Variants in FHAD1 observed in about 807,000 individuals in gnomAD.
FHAD1 encodes forkhead associated phosphopeptide binding domain 1.
FHAD1 carries 146 observed loss-of-function variants against 191.3 expected under a neutral mutation model. That is an observed-to-expected ratio of 0.76 (90% confidence interval 0.67 to 0.88). The LOEUF is 0.88. FHAD1 is among the 40% of genes least tolerant of loss of function. The pLI, the probability that FHAD1 is intolerant of heterozygous loss-of-function variation, is 0.00. For missense variants in FHAD1, 1,635 were observed against 1,785.8 expected (o/e 0.92, Z 1.52); for synonymous variants, 616 against 672.3 (o/e 0.92, Z 1.29).
upstream of FHAD1, among the ~76,000 whole-genome samples, chr1:15,242,989 C>T (rs145382607): frequency 2.1e-3 from 319 of 152,228 alleles, no homozygotes; most frequent in African/African-American, 7.2e-3. Flanking sequence ...AAAAACCAGG[C>T]CCAGGACAGG....
intron 3 of FHAD1, 87 bp downstream of exon 3, chr1:15,272,616 C>A: frequency 8.4e-7 from 1 of 1,193,946 alleles, no homozygotes; most frequent in Non-Finnish European, 1.2e-6. Context: ...GGCGCTTATC[C>A]ACATTGGTGC....
At chr1:15,375,764 C>T in intron 28 of FHAD1, 34 bp downstream of exon 28, 3 of 1,512,028 alleles carry the variant, frequency 2.0e-6, no homozygotes, top group Non-Finnish European at 2.7e-6. Context: ...CTGTGACTGG[C>T]ATGTGGAGAG....
chr1:15,299,367 A>C (rs145201888), intron 5 of FHAD1, among the ~76,000 whole-genome samples: 157 of 152,276 alleles, frequency 1.0e-3, no homozygotes, highest in Middle Eastern at 3.4e-3. Context: ...TGTTTCCCTC[A>C]TAGTTTTGCT....
At chr1:15,354,584 C>T (rs1237756037) in intron 20 of FHAD1, among the ~76,000 whole-genome samples, 4 of 151,778 alleles carry the variant, frequency 2.6e-5, no homozygotes, top group Non-Finnish European at 5.9e-5. Flanking sequence ...ATGGATCCTC[C>T]GTGAAATACA....
chr1:15,249,910 G>A (rs748083552), intron 1 of FHAD1, among the ~76,000 whole-genome samples: 1 of 152,162 alleles, frequency 6.6e-6, no homozygotes, highest in Non-Finnish European at 1.5e-5. Context: ...AATGCTAGGG[G>A]ACCTTAACCT....
At chr1:15,268,112 A>G (rs1396542000) in intron 2 of FHAD1, among the ~76,000 whole-genome samples, 1 of 149,870 alleles carries the variant, frequency 6.7e-6, no homozygotes, top group Non-Finnish European at 1.5e-5. Flanking sequence ...GTCATTTAGC[A>G]TTAGGTATAT....
intron 10 of FHAD1, among the ~76,000 whole-genome samples, chr1:15,323,433 C>T (rs1391241020): frequency 6.6e-6 from 1 of 152,208 alleles, no homozygotes; most frequent in Non-Finnish European, 1.5e-5. Flanking sequence ...GAAACTGAGG[C>T]CCAGCGAGCT....
rs368262816 is a variant in FHAD1 at position 15,308,572 on chromosome 1, G to T, written c.916-41G>T. The T allele has an allele frequency of 1.2e-5, 18 of 1,548,752 alleles. No individual in the cohort carries two copies. The South Asian group carries it at 2.0e-4, about 17-fold the overall frequency. ...AGAAGTACCTGTGTGTCTCCCAGAC[G>T]TGGGCCAGCCCCCCTCTGACTGTGC... On this transcript the variant is annotated intron_variant, in intron 6 of 33. Transcript: ENST00000688493.
chr1:15,318,025 C>G lies in FHAD1; in HGVS notation c.1365+97C>G. The G allele has an allele frequency of 1.3e-6, 1 of 745,578 alleles. No individual in the cohort carries two copies. Among genetic ancestry groups the G allele is most frequent in the South Asian group, 1.8e-5 (1 of 54,408 alleles). 46.2% of individuals were successfully genotyped at this position (745,578 alleles called of 1,614,324 possible). On this transcript the variant is annotated intron_variant, in intron 10 of 33. Transcript: ENST00000688493. The surrounding 1 kb of genome is among the most constrained non-coding windows in gnomAD (Gnocchi z 4.1). ...CTAAGTGGACTATGCTGGTATTAACCCTTCTTACAGCTGAGAAAACTGAGG... is the reference window on the plus strand; with the variant it reads ...CTAAGTGGACTATGCTGGTATTAACGCTTCTTACAGCTGAGAAAACTGAGG...
At chr1:15,337,713 C>T (rs968376538) in intron 14 of FHAD1, among the ~76,000 whole-genome samples, 2 of 152,048 alleles carry the variant, frequency 1.3e-5, no homozygotes, top group Non-Finnish European at 2.9e-5. Context: ...AGTGCTCCAG[C>T]AAAGAAACCC....
At chr1:15,280,624 G>A (rs988101372) in intron 3 of FHAD1, among the ~76,000 whole-genome samples, 2 of 152,072 alleles carry the variant, frequency 1.3e-5, no homozygotes, top group African/African-American at 4.8e-5. Context: ...TTTCCTGCAG[G>A]TCACACTCTT....
upstream of FHAD1, among the ~76,000 whole-genome samples, chr1:15,243,082 T>C (rs1645581503): frequency 6.6e-6 from 1 of 152,212 alleles, no homozygotes; most frequent in Non-Finnish European, 1.5e-5. Flanking sequence ...CAAGGGGAAC[T>C]GACTTTGAAA....
At chr1:15,294,629 G>C (rs1467925509) in intron 4 of FHAD1, among the ~76,000 whole-genome samples, 2 of 152,182 alleles carry the variant, frequency 1.3e-5, no homozygotes, top group Admixed American at 1.3e-4. Flanking sequence ...CTGTCCTTAA[G>C]TGATCTGCCT....
intron 14 of FHAD1, among the ~76,000 whole-genome samples, chr1:15,333,626 C>T (rs912264016): frequency 6.6e-5 from 10 of 151,924 alleles, no homozygotes; most frequent in Non-Finnish European, 8.8e-5. Flanking sequence ...CAGGGAGTCC[C>T]CAGTCTATTC....
downstream of FHAD1, among the ~76,000 whole-genome samples, chr1:15,402,641 C>A (rs1707153015): frequency 6.6e-6 from 1 of 152,130 alleles, no homozygotes; most frequent in Non-Finnish European, 1.5e-5. Flanking sequence ...AAAGCGTGGT[C>A]CAGACAATAT....
chr1:15,356,217 A>G (rs1295157353), intron 20 of FHAD1, among the ~76,000 whole-genome samples: 6 of 152,250 alleles, frequency 3.9e-5, no homozygotes, highest in Non-Finnish European at 8.8e-5. Context: ...TTCGAGCTCA[A>G]AGCTTGAGGA....
intron 20 of FHAD1, among the ~76,000 whole-genome samples, chr1:15,357,185 A>G (rs1693083258): frequency 6.6e-6 from 1 of 152,218 alleles, no homozygotes; most frequent in African/African-American, 2.4e-5. Flanking sequence ...ACCTCCACCA[A>G]CAGAGTTTAA....
At chr1:15,256,645 CAAAAAAAA>C (rs34598860) in intron 2 of FHAD1, among the ~76,000 whole-genome samples, 6 of 71,266 alleles carry the variant, frequency 8.4e-5, no homozygotes, top group African/African-American at 2.8e-4. Flanking sequence ...AGACTCTGTC[CAAAAAAAA>C]AAAAAAAAAA....
Position 15,329,225 on chromosome 1 carries a change from C to A in FHAD1, c.1711-121C>A. ...AGAAAAAAACTGAGTCCTCCCAAGGCGGCCAATACGTGGCGCTGCCTGCTT... is the reference window on the plus strand; with the variant it reads ...AGAAAAAAACTGAGTCCTCCCAAGGAGGCCAATACGTGGCGCTGCCTGCTT... On this transcript the variant is annotated intron_variant, in intron 13 of 33. Coordinates refer to ENST00000688493, the MANE Select transcript of FHAD1 (RefSeq NM_001391957.1). This position sits in a 1 kb window ranked among gnomAD's most constrained non-coding sequence, Gnocchi z 5.0. 2.7e-6 allele frequency: 2 copies of A among 736,658 alleles called. No homozygotes were observed. Among genetic ancestry groups the A allele is most frequent in the Non-Finnish European group, 4.2e-6 (2 of 475,022 alleles). 45.6% of individuals were successfully genotyped at this position (736,658 alleles called of 1,614,324 possible). A position where few individuals can be genotyped will look rare whatever the true frequency, so the allele number is the denominator to read the frequency against.
Sources: gnomAD v4.1 joint callset for allele counts (sites outside exome capture counted in the v4.1 genomes callset) on GRCh38, gnomAD v4.1.1 for gene constraint, Gnocchi (gnomAD v3.1) non-coding constraint, MANE v1.5 for transcripts, NCBI Gene and HGNC (gene_info 2026-07-23, HGNC 2026-07-21) for gene names.